SYTL2: variants seen among roughly 807,000 people sequenced by gnomAD.
SYTL2 encodes synaptotagmin like 2.
A neutral mutation model predicts 198.7 loss-of-function variants in SYTL2; 165 were observed. The observed-to-expected ratio is 0.83, with a 90% CI of 0.73 to 0.94. The LOEUF is 0.94. SYTL2 is among the 40% of genes least tolerant of loss of function. SYTL2 has a pLI of 0.00. For missense variants in SYTL2, 2,835 were observed against 2,582.8 expected (o/e 1.10, Z -2.12); for synonymous variants, 966 against 917.7 (o/e 1.05, Z -0.95).
At chr11:85,704,465 T>C (rs2084817450) in intron 16 of SYTL2, among the ~76,000 whole-genome samples, 1 of 152,122 alleles carries the variant, frequency 6.6e-6, no homozygotes, top group Non-Finnish European at 1.5e-5. Flanking sequence ...CACACAGACA[T>C]AAAACCCATG....
At chr11:85,849,090 T>C in the SYTL2 span, among the ~76,000 whole-genome samples, 1 of 152,220 alleles carries the variant, frequency 6.6e-6, no homozygotes, top group Non-Finnish European at 1.5e-5. Flanking sequence ...GGACGTTGGG[T>C]TAAAACAATC....
chr11:85,776,197 T>TCCTC (rs2092448561), intron 1 of SYTL2, among the ~76,000 whole-genome samples: 1 of 152,170 alleles, frequency 6.6e-6, no homozygotes, highest in Non-Finnish European at 1.5e-5. Flanking sequence ...CAGCTGAAGG[T>TCCTC]CCTCACCAGA....
chr11:85,823,941 G>A, the SYTL2 span, among the ~76,000 whole-genome samples: 1 of 152,190 alleles, frequency 6.6e-6, no homozygotes, highest in South Asian at 2.1e-4. Flanking sequence ...CATGTTCAGA[G>A]TAAACAAGTA....
intron 1 of SYTL2, among the ~76,000 whole-genome samples, chr11:85,793,043 G>A (rs1264199353): frequency 7.9e-5 from 12 of 152,046 alleles, no homozygotes; most frequent in Non-Finnish European, 1.2e-4. Flanking sequence ...GAACATTTGG[G>A]TTGGTTCCAA....
Position 85,734,388 on chromosome 11 carries a change from T to A in SYTL2, c.941A>T (p.Lys314Met). ...AGAGTTGTCTTCTAAAGAATGCTCC[T>A]TCTCAGAAATTCTCTCATGGATGGT... Reference protein sequence around the residue: ...GLTIHERISEKEHSLEDNSSP... With the variant: ...GLTIHERISEMEHSLEDNSSP... Residue 314 changes from lysine to methionine, a missense_variant, in exon 7 of 20, where the codon AAG becomes ATG. Lys to Met is a moderately conservative substitution (Grantham distance 95, BLOSUM62 -1). Transcript: ENST00000359152. 6.2e-7 allele frequency: 1 copy of A among 1,614,222 alleles called. No individual in the cohort carries two copies. Among genetic ancestry groups the A allele is most frequent in the Non-Finnish European group, 8.5e-7 (1 of 1,180,024 alleles).
intron 8 of SYTL2, 103 bp from the exon 9 acceptor site, chr11:85,721,062 T>C: frequency 1.5e-6 from 1 of 666,014 alleles, no homozygotes. Context: ...GACATTATGC[T>C]ATGAGTTTCT....
At chr11:85,800,550 A>C (rs141838158) in intron 1 of SYTL2, among the ~76,000 whole-genome samples, 11 of 152,100 alleles carry the variant, frequency 7.2e-5, no homozygotes, top group Non-Finnish European at 1.3e-4. Context: ...AACTGCTGAG[A>C]TTACAGGAAT....
intron 11 of SYTL2, 74 bp from the exon 12 acceptor site, chr11:85,714,581 T>C (rs1322702290): frequency 1.9e-6 from 3 of 1,550,344 alleles, no homozygotes; most frequent in Non-Finnish European, 1.8e-6. Context: ...GTTGAAAACA[T>C]ACTTTTATTT....
At chr11:85,854,785 T>A in the SYTL2 span, 7 of 151,796 alleles carry the variant, frequency 4.6e-5, no homozygotes, top group African/African-American at 1.7e-4. Context: ...AGACACAAAC[T>A]CTGAGATCCA....
At chr11:85,751,478 C>T (rs1165166358) in intron 2 of SYTL2, among the ~76,000 whole-genome samples, 3 of 152,160 alleles carry the variant, frequency 2.0e-5, no homozygotes, top group Non-Finnish European at 4.4e-5. Flanking sequence ...GGGTAAGTTT[C>T]TTGGGACTGA....
At chr11:85,770,149 G>A (rs1206761128) in intron 1 of SYTL2, among the ~76,000 whole-genome samples, 1 of 152,124 alleles carries the variant, frequency 6.6e-6, no homozygotes, top group Non-Finnish European at 1.5e-5. Context: ...ATTGCTGTTG[G>A]ATTCGTATTG....
rs1401123667 is a variant in SYTL2 at position 85,811,079 on chromosome 11, G to A, written c.-515C>T. 1.3e-5 allele frequency: 2 copies of A among 152,232 alleles called. No homozygotes were observed. The highest frequency in any genetic ancestry group is 4.8e-5 in the African/African-American group (2 of 41,468). 9.4% of individuals were successfully genotyped at this position (152,232 alleles called of 1,614,324 possible). ...GGCGCGTTACCTTCCCCCGGGCAAG[G>A]CGTTGCGAGCCTTCACTCTCCCGAC... On this transcript the variant is annotated 5_prime_UTR_variant, in exon 1 of 20. Coordinates refer to ENST00000359152, the MANE Select transcript of SYTL2 (RefSeq NM_206927.4).
intron 8 of SYTL2, among the ~76,000 whole-genome samples, chr11:85,722,373 A>C (rs1217567477): frequency 3.3e-5 from 5 of 151,780 alleles, no homozygotes; most frequent in Non-Finnish European, 7.4e-5. Flanking sequence ...ATGGGGTTTC[A>C]CCATGTTAGC....
Position 85,765,895 on chromosome 11 carries a change from T to C in SYTL2, c.-389-7781A>G, listed in dbSNP as rs182668270. Among the ~76,000 whole-genome samples, 137 of 152,282 alleles carry C rather than the reference T, an allele frequency of 9.0e-4. No homozygotes were observed. In the Middle Eastern group the frequency reaches 0.01, roughly 11 times the overall value. On this transcript the variant is annotated intron_variant, in intron 1 of 19. Transcript: ENST00000359152. Reference sequence around the variant, plus strand: ...CAATACCCCTAGGAATAAAATATGTTAACCAAGCCCCAACCAAGCGCAAGA... The same window carrying C: ...CAATACCCCTAGGAATAAAATATGTCAACCAAGCCCCAACCAAGCGCAAGA...
rs144982905 is a variant in SYTL2, at chr11:85,741,133, C to T, written c.390-3477G>A. Among the ~76,000 whole-genome samples, 277 of 150,862 alleles carry T rather than the reference C, an allele frequency of 1.8e-3. 2 individuals are homozygous for T. Among genetic ancestry groups the T allele is most frequent in the Admixed American group, 0.017 (251 of 15,156 alleles). ...AACCAAATTCTACAAGTGTTGTTGA[C>T]TTGTTTTTTGTTGTTTTGATCTCTC... On this transcript the variant is annotated intron_variant, in intron 4 of 19. Coordinates refer to ENST00000359152, the MANE Select transcript of SYTL2 (RefSeq NM_206927.4).
intron 17 of SYTL2, among the ~76,000 whole-genome samples, chr11:85,700,058 A>G (rs1166278358): frequency 6.6e-6 from 1 of 152,204 alleles, no homozygotes. Flanking sequence ...TGCAGATACA[A>G]ATTTTTGGAG....
chr11:85,718,886 T>C (rs372017034), intron 9 of SYTL2, 43 bp from the exon 10 acceptor site: 4 of 1,606,170 alleles, frequency 2.5e-6, no homozygotes, highest in Non-Finnish European at 3.4e-6. Flanking sequence ...GGCTGACCCT[T>C]GGAGAGAAAA....
At chr11:85,757,242 T>TA (rs386374376) in intron 2 of SYTL2, among the ~76,000 whole-genome samples, 11 of 17,440 alleles carry the variant, frequency 6.3e-4, no homozygotes, top group South Asian at 4.9e-3. Flanking sequence ...ATTCTAAAAA[T>TA]TTTTTAAAAT....
intron 4 of SYTL2, among the ~76,000 whole-genome samples, chr11:85,745,145 C>T (rs2091063266): frequency 2.0e-5 from 3 of 152,166 alleles, no homozygotes; most frequent in Admixed American, 1.3e-4. Flanking sequence ...AGAATATAGA[C>T]TCAGAAAGGT....
Sources: allele counts gnomAD v4.1 joint callset (sites outside exome capture counted in the v4.1 genomes callset), GRCh38; gene constraint gnomAD v4.1.1; transcripts MANE v1.5; gene names NCBI Gene and HGNC (gene_info 2026-07-23, HGNC 2026-07-21).